The following FRZB variants were observed in gnomAD, a reference collection of about 807,000 sequenced individuals.
FRZB encodes secreted frizzled-related protein 3.
FRZB carries 34 observed loss-of-function variants against 32.5 expected under a neutral mutation model. That is an observed-to-expected ratio of 1.05 (90% CI 0.80 to 1.39). FRZB has a LOEUF of 1.39. FRZB is among the 40% of genes most tolerant of loss of function. FRZB has a pLI of 0.00. For missense variants in FRZB, 423 were observed against 424.8 expected (o/e 1.00, Z 0.04); for synonymous variants, 170 against 159.2 (o/e 1.07, Z -0.51).
chr2:182,850,895 A>G (rs1366485173), intron 2 of FRZB, among the ~76,000 whole-genome samples: 1 of 152,076 alleles, frequency 6.6e-6, no homozygotes, highest in African/African-American at 2.4e-5. Flanking sequence ...CTATTGTTCC[A>G]TCTTTTTGAT....
intron 2 of FRZB, among the ~76,000 whole-genome samples, chr2:182,844,765 G>T (rs918334789): frequency 1.3e-5 from 2 of 151,926 alleles, no homozygotes; most frequent in Admixed American, 1.3e-4. Flanking sequence ...TTTCAAGTAG[G>T]CATTTACAAA....
At chr2:182,864,035 G>A (rs1695862620) in intron 1 of FRZB, among the ~76,000 whole-genome samples, 1 of 152,200 alleles carries the variant, frequency 6.6e-6, no homozygotes, top group African/African-American at 2.4e-5. Flanking sequence ...GATGCTGCCA[G>A]TAAAGCAAAT....
At position 182,866,457 on chromosome 2, in the gene FRZB, A is replaced by T. The variant is rs1695894215; in HGVS notation, c.96T>A (p.Ala32=). Reference sequence around the variant, plus strand: ...GGATGCGGACGGGCTCACAGGCTGCAGCCCGAGCCCCGGGCACCCGGAGCA... The same window carrying T: ...GGATGCGGACGGGCTCACAGGCTGCTGCCCGAGCCCCGGGCACCCGGAGCA... ...LCLLRVPGAR[A]AACEPVRIPL... is the part of the protein sequence containing the mutation. The change falls in exon 1 of 6, where the codon GCT becomes GCA. Residue 32 remains alanine, a synonymous_variant. Coordinates refer to ENST00000295113, the MANE Select transcript of FRZB (RefSeq NM_001463.4). The surrounding 1 kb of genome is among the most constrained non-coding windows in gnomAD (Gnocchi z 4.5). 2 of 1,551,452 alleles carry T rather than the reference A, an allele frequency of 1.3e-6. No homozygotes were observed. The highest frequency in any genetic ancestry group is 1.7e-6 in the Non-Finnish European group (2 of 1,148,900).
chr2:182,838,484 G>C lies in FRZB; in HGVS notation c.722C>G (p.Ser241Cys). ...ATTAAGTGGAGGGCAGAGGCAGCCA[G>C]AGCTGGTATAGAGGTTGACAGTGTC... ...PRDTVNLYTS[S>C]GCLCPPLNVN... Residue 241 changes from serine to cysteine, a missense_variant, in exon 4 of 6, where the codon TCT (serine) becomes TGT (cysteine). Transcript: ENST00000295113. 6.2e-7 allele frequency: 1 copy of C among 1,613,026 alleles called. No individual in the cohort carries two copies. Among genetic ancestry groups the C allele is most frequent in the Non-Finnish European group, 8.5e-7 (1 of 1,179,280 alleles).
chr2:182,840,141 C>T (rs559015774), intron 3 of FRZB, among the ~76,000 whole-genome samples: 46 of 152,216 alleles, frequency 3.0e-4, no homozygotes, highest in Middle Eastern at 3.4e-3. Context: ...CAACTGTCCT[C>T]GCTTGGTTTG....
chr2:182,833,792 T>G lies in FRZB; in HGVS notation c.*1057A>C, dbSNP rs1295086030. On this transcript the variant is annotated 3_prime_UTR_variant, in exon 6 of 6. Coordinates refer to ENST00000295113, the MANE Select transcript of FRZB (RefSeq NM_001463.4). The stretch of plus-strand genomic sequence containing the variant: ...TGCAGGCCTGTATTTTAATCCACCT[T>G]GGGTGTGAGTGCAAGGACACACATG... 6.6e-6 allele frequency: 1 copy of G among 152,098 alleles called. No homozygotes were observed. Among genetic ancestry groups the G allele is most frequent in the Non-Finnish European group, 1.5e-5 (1 of 68,022 alleles). 9.4% of individuals were successfully genotyped at this position (152,098 alleles called of 1,614,324 possible).
chr2:182,858,527 T>C (rs555429954), intron 2 of FRZB, among the ~76,000 whole-genome samples: 51 of 152,316 alleles, frequency 3.3e-4, no homozygotes, highest in African/African-American at 1.1e-3. Flanking sequence ...GGAATTGTTC[T>C]GTATCCTGAT....
intron 3 of FRZB, among the ~76,000 whole-genome samples, chr2:182,840,077 C>T (rs781101005): frequency 4.6e-5 from 7 of 152,062 alleles, no homozygotes; most frequent in African/African-American, 9.7e-5. Flanking sequence ...TTCAGTCTTC[C>T]GAGAATTAGT....
Position 182,866,082 on chromosome 2 carries a change from G to C in FRZB, c.471C>G (p.Asp157Glu). ...CISPEAIVTA[D>E]GADFPMDSSN... The stretch of plus-strand genomic sequence containing the variant: ...GGCCGTGTCAAAACTCACCAGCTCC[G>C]TCCGCAGTAACGATGGCCTCGGGAG... The change falls in exon 1 of 6, where the codon GAC becomes GAG. Residue 157 changes from aspartate to glutamate, a missense_variant. Coordinates refer to ENST00000295113, the MANE Select transcript of FRZB (RefSeq NM_001463.4). The surrounding 1 kb of genome is among the most constrained non-coding windows in gnomAD (Gnocchi z 4.5). 2 of 1,608,274 alleles carry C rather than the reference G, an allele frequency of 1.2e-6. No homozygotes were observed. Among genetic ancestry groups the C allele is most frequent in the Non-Finnish European group, 1.7e-6 (2 of 1,175,752 alleles).
intron 2 of FRZB, among the ~76,000 whole-genome samples, chr2:182,848,029 G>T (rs1043792107): frequency 6.1e-5 from 9 of 148,606 alleles, no homozygotes; most frequent in Middle Eastern, 3.5e-3. Flanking sequence ...AGGCTTAGCA[G>T]ATAGTAAGCA....
intron 1 of FRZB, among the ~76,000 whole-genome samples, chr2:182,865,069 G>T (rs767183461): frequency 2.0e-5 from 3 of 152,174 alleles, no homozygotes; most frequent in Non-Finnish European, 2.9e-5. Context: ...AAACACTAGT[G>T]AGAAAACAAC....
intron 2 of FRZB, among the ~76,000 whole-genome samples, chr2:182,844,624 A>G (rs1332911494): frequency 6.6e-6 from 1 of 152,198 alleles, no homozygotes; most frequent in Non-Finnish European, 1.5e-5. Flanking sequence ...AACTATAGCA[A>G]CTGTCACTGA....
intron 2 of FRZB, among the ~76,000 whole-genome samples, chr2:182,854,095 T>C (rs1440443559): frequency 6.6e-6 from 1 of 152,110 alleles, no homozygotes; most frequent in Non-Finnish European, 1.5e-5. Context: ...TCAGGCAAAA[T>C]GAATTTATGG....
In FRZB at chr2:182,866,066, A is replaced by G. The variant is rs765367453; in HGVS notation, c.478+9T>C. 4 of 1,599,034 alleles carry G rather than the reference A, an allele frequency of 2.5e-6. No homozygotes were observed. The East Asian group carries it at 9.0e-5, about 36-fold the overall frequency. ...GGGTAAGGGAAGGGTGGGCCGTGTC[A>G]AAACTCACCAGCTCCGTCCGCAGTA... On this transcript the variant is annotated intron_variant, in intron 1 of 5. Coordinates refer to ENST00000295113, the MANE Select transcript of FRZB (RefSeq NM_001463.4). The surrounding 1 kb of genome is among the most constrained non-coding windows in gnomAD (Gnocchi z 4.5).
At chr2:182,847,023 C>T (rs1282362411) in intron 2 of FRZB, among the ~76,000 whole-genome samples, 1 of 152,176 alleles carries the variant, frequency 6.6e-6, no homozygotes, top group Non-Finnish European at 1.5e-5. Context: ...TGAATTCATT[C>T]ATTCTGCAAA....
chr2:182,864,012 T>C (rs541716025), intron 1 of FRZB, among the ~76,000 whole-genome samples: 1 of 152,302 alleles, frequency 6.6e-6, no homozygotes, highest in African/African-American at 2.4e-5. Flanking sequence ...CTACCACCTA[T>C]TTTTCTAGCA....
At chr2:182,842,952 G>A (rs1247748021) in intron 2 of FRZB, among the ~76,000 whole-genome samples, 1 of 152,074 alleles carries the variant, frequency 6.6e-6, no homozygotes, top group African/African-American at 2.4e-5. Context: ...ATCACCTAAT[G>A]TTTTTTTACT....
intron 2 of FRZB, among the ~76,000 whole-genome samples, chr2:182,857,651 G>A (rs1695784879): frequency 6.8e-6 from 1 of 147,554 alleles, no homozygotes; most frequent in Non-Finnish European, 1.5e-5. Context: ...CACAATATAA[G>A]CTTCTACTCT....
intron 5 of FRZB, among the ~76,000 whole-genome samples, chr2:182,835,361 T>A (rs1695512263): frequency 6.6e-6 from 1 of 151,808 alleles, no homozygotes; most frequent in African/African-American, 2.4e-5. Context: ...TTTTTCAACA[T>A]CCTCTCTTAA....
Sources: gnomAD v4.1 joint callset for allele counts (sites outside exome capture counted in the v4.1 genomes callset) on GRCh38, gnomAD v4.1.1 for gene constraint, Gnocchi (gnomAD v3.1) non-coding constraint, MANE v1.5 for transcripts, NCBI Gene and HGNC (gene_info 2026-07-23, HGNC 2026-07-21) for gene names.